DGLUCY: variants seen among roughly 807,000 people sequenced by gnomAD.
DGLUCY encodes the protein D-glutamate cyclase.
In DGLUCY, 58 loss-of-function variants were observed where a neutral mutation model predicts 58.5. That is an observed-to-expected ratio of 0.99 (90% confidence interval 0.80 to 1.23). DGLUCY has a LOEUF of 1.23. Among genes scored for constraint, DGLUCY ranks in the 50% most tolerant of loss-of-function variants. The pLI is 0.00. For missense variants in DGLUCY, 779 were observed against 784.7 expected (o/e 0.99, Z 0.09); for synonymous variants, 325 against 314.1 (o/e 1.03, Z -0.37).
chr14:91,094,326 T>C (rs2044360312), intron 1 of DGLUCY, among the ~76,000 whole-genome samples: 1 of 151,502 alleles, frequency 6.6e-6, no homozygotes, highest in African/African-American at 2.4e-5. Context: ...TCCCAGCTAC[T>C]CAGGAGGCTG....
At chr14:91,199,932 C>A in intron 11 of DGLUCY, 27 bp downstream of exon 11, 1 of 1,613,196 alleles carries the variant, frequency 6.2e-7, no homozygotes, top group Non-Finnish European at 8.5e-7. Context: ...GGGGATGCAC[C>A]AAGAACGTGG....
intron 1 of DGLUCY, among the ~76,000 whole-genome samples, chr14:91,108,560 A>AGAGAGAGAGAGC (rs71461934): frequency 6.9e-6 from 1 of 145,914 alleles, no homozygotes; most frequent in African/African-American, 2.6e-5. Flanking sequence ...AGAGAGAGAG[A>AGAGAGAGAGAGC]CAGAGTTTTG....
intron 5 of DGLUCY, 54 bp from the exon 6 acceptor site, chr14:91,173,233 CTG>C (rs963330653): frequency 2.5e-6 from 4 of 1,594,746 alleles, no homozygotes; most frequent in African/African-American, 2.7e-5. Context: ...GAGCTTGGAT[CTG>C]TGCTAATTCC....
intron 8 of DGLUCY, among the ~76,000 whole-genome samples, chr14:91,187,520 A>G (rs2140492098): frequency 6.6e-6 from 1 of 152,278 alleles, no homozygotes; most frequent in South Asian, 2.1e-4. Flanking sequence ...ACTGGTGGGC[A>G]CCTGTAGCAC....
chr14:91,156,871 G>A (rs1200493405), intron 1 of DGLUCY, among the ~76,000 whole-genome samples: 1 of 152,206 alleles, frequency 6.6e-6, no homozygotes, highest in Non-Finnish European at 1.5e-5. Flanking sequence ...AGAAGTTCAG[G>A]ATTCAGTCCC....
intron 3 of DGLUCY, among the ~76,000 whole-genome samples, chr14:91,162,167 T>G (rs1299294851): frequency 6.6e-6 from 1 of 152,182 alleles, no homozygotes; most frequent in East Asian, 1.9e-4. Context: ...CCCGCTGCCG[T>G]GAAATGCTCC....
intron 6 of DGLUCY, 48 bp from the exon 7 acceptor site, chr14:91,175,886 T>A (rs765800862): frequency 6.2e-7 from 1 of 1,607,546 alleles, no homozygotes; most frequent in Non-Finnish European, 8.5e-7. Flanking sequence ...CCAGTTCTAA[T>A]TGGATGCTCC....
chr14:91,116,036 G>A (rs2044921747), intron 1 of DGLUCY, among the ~76,000 whole-genome samples: 1 of 152,112 alleles, frequency 6.6e-6, no homozygotes, highest in Non-Finnish European at 1.5e-5. Context: ...CAAGTGCACA[G>A]GTATATGCTC....
chr14:91,222,615 C>G (rs569986517), intron 13 of DGLUCY, among the ~76,000 whole-genome samples: 60 of 152,316 alleles, frequency 3.9e-4, no homozygotes, highest in African/African-American at 1.4e-3. Context: ...AATGCAGGCT[C>G]TCAGGCCAGC....
intron 13 of DGLUCY, among the ~76,000 whole-genome samples, chr14:91,221,827 T>C (rs946806173): frequency 3.3e-5 from 5 of 152,144 alleles, no homozygotes; most frequent in South Asian, 2.1e-4. Flanking sequence ...TACATAAGTA[T>C]ACACCCTTGC....
intron 10 of DGLUCY, among the ~76,000 whole-genome samples, chr14:91,198,164 T>C (rs909147296): frequency 3.3e-5 from 5 of 152,098 alleles, no homozygotes; most frequent in African/African-American, 1.2e-4. Flanking sequence ...TGCCTCAGCC[T>C]CCCAAGAAGC....
chr14:91,119,343 A>G (rs1372325441), intron 1 of DGLUCY, among the ~76,000 whole-genome samples: 1 of 152,068 alleles, frequency 6.6e-6, no homozygotes, highest in Non-Finnish European at 1.5e-5. Context: ...AGAGTTGTAC[A>G]TATCCTTTCA....
chr14:91,215,833 T>C, intron 13 of DGLUCY: 1 of 1,090,902 alleles, frequency 9.2e-7, no homozygotes, highest in Non-Finnish European at 1.2e-6. Flanking sequence ...TTTCTTCATC[T>C]GTAAAATGGG....
intron 8 of DGLUCY, among the ~76,000 whole-genome samples, chr14:91,185,875 T>C (rs968043521): frequency 2.6e-5 from 4 of 152,182 alleles, no homozygotes; most frequent in Non-Finnish European, 5.9e-5. Flanking sequence ...AGCTGTTGGA[T>C]GTGTTGATGT....
chr14:91,154,837 C>T (rs990672675), intron 1 of DGLUCY, among the ~76,000 whole-genome samples: 2 of 152,308 alleles, frequency 1.3e-5, no homozygotes, highest in Middle Eastern at 3.4e-3. Context: ...CCTGAGGCTC[C>T]GGGATAAATC....
At chr14:91,220,810 C>A in intron 13 of DGLUCY, 1 of 402,376 alleles carries the variant, frequency 2.5e-6, no homozygotes. Flanking sequence ...AAGGGAGTGC[C>A]TTGTCTCACA....
At chr14:91,132,804 A>G (rs148153577) in intron 1 of DGLUCY, among the ~76,000 whole-genome samples, 258 of 151,752 alleles carry the variant, frequency 1.7e-3, no homozygotes, top group Non-Finnish European at 2.4e-3. Context: ...CCCAAACTGC[A>G]ACTCCTCAGT....
chr14:91,204,995 A>G, intron 12 of DGLUCY, 170 bp downstream of exon 12: 1 of 855,026 alleles, frequency 1.2e-6, no homozygotes, highest in Non-Finnish European at 1.8e-6. Flanking sequence ...CATTCAACAA[A>G]CATTTACAGT....
chr14:91,089,221 G>A (rs2044270006), intron 1 of DGLUCY, among the ~76,000 whole-genome samples: 2 of 152,316 alleles, frequency 1.3e-5, no homozygotes, highest in African/African-American at 4.8e-5. Flanking sequence ...ATCTGAGAAA[G>A]TCAGGGTTCT....
Sources: gnomAD v4.1 joint callset for allele counts (sites outside exome capture counted in the v4.1 genomes callset) on GRCh38, gnomAD v4.1.1 for gene constraint, MANE v1.5 for transcripts, NCBI Gene and HGNC (gene_info 2026-07-23, HGNC 2026-07-21) for gene names.